Variants in PLEKHG1 observed in about 807,000 individuals in gnomAD.
PLEKHG1 encodes pleckstrin homology and RhoGEF domain containing G1, also known as pleckstrin homology domain-containing family G member 1.
PLEKHG1 carries 44 observed loss-of-function variants against 100.8 expected under a neutral mutation model. The ratio of observed to expected loss-of-function variants is 0.44; its 90% CI spans 0.34 to 0.56. PLEKHG1 has a LOEUF of 0.56. Ranked by LOEUF, PLEKHG1 falls within the 20% of genes least tolerant of loss-of-function variation. The pLI is 0.01. For missense variants in PLEKHG1, 1,545 were observed against 1,720.9 expected, an observed-to-expected ratio of 0.90 and a Z score of 1.81; for synonymous variants, 640 against 662.5, an observed-to-expected ratio of 0.97 and a Z score of 0.52.
rs66957918 is a variant in PLEKHG1 at position 150,832,681 on chromosome 6, C to CTTT, written c.3094+492_3094+494dup. ...ACAAAAAGAGGGGTTTTTTTGCATA[C>CTTT]TTTTTTTTTTTTTTTTTTGAGACAG... On this transcript the variant is annotated intron_variant, in intron 15 of 15. Coordinates refer to ENST00000358517, the Ensembl canonical transcript of PLEKHG1. 1.9e-3 allele frequency among the ~76,000 whole-genome samples: 235 copies of CTTT among 125,428 alleles called. 6 individuals are homozygous for CTTT. The highest frequency in any genetic ancestry group is 2.6e-3 in the South Asian group (10 of 3,808). The allele number at this position is 125,428 out of a possible 152,430, so 82.3% of individuals were successfully genotyped here.
At chr6:150,821,632 C>T (rs900494623) in intron 13 of PLEKHG1, among the ~76,000 whole-genome samples, 4 of 151,502 alleles carry the variant, frequency 2.6e-5, no homozygotes, top group African/African-American at 4.8e-5. Context: ...TGCAGTGAGC[C>T]GAGATCACGC....
At chr6:150,721,496 T>TAG in intron 1 of PLEKHG1, among the ~76,000 whole-genome samples, 1 of 152,324 alleles carries the variant, frequency 6.6e-6, no homozygotes, top group East Asian at 1.9e-4. Context: ...GAGGTTGAAA[T>TAG]ATCTAGAGAG....
rs537954360 is a variant in PLEKHG1 at position 150,840,631 on chromosome 6, G to A, written c.3893G>A (p.Arg1298His). The change falls in exon 16 of 16, where the codon CGT (arginine) becomes CAT (histidine). Residue 1298 changes from arginine (R) to histidine (H), a missense_variant. By Grantham distance (29) the Arg-to-His change is conservative. Coordinates refer to ENST00000358517, the Ensembl canonical transcript of PLEKHG1. ...TCGGAGTTGGAGCTATCTCACAATCGTAGAAGGAAATCTGACTCAAAGTTT... is the reference window on the plus strand; with the variant it reads ...TCGGAGTTGGAGCTATCTCACAATCATAGAAGGAAATCTGACTCAAAGTTT... 47 of 1,614,176 alleles carry A rather than the reference G, an allele frequency of 2.9e-5. No homozygotes were observed. Among genetic ancestry groups the A allele is most frequent in the East Asian group, 6.7e-5 (3 of 44,890 alleles).
intron 3 of PLEKHG1, among the ~76,000 whole-genome samples, chr6:150,652,472 C>G (rs1778786492): frequency 6.6e-6 from 1 of 152,070 alleles, no homozygotes; most frequent in Non-Finnish European, 1.5e-5. Context: ...CCTGTAATCC[C>G]AGCACTTTGG....
intron 6 of PLEKHG1, among the ~76,000 whole-genome samples, chr6:150,801,406 A>G (rs1786689398): frequency 2.0e-5 from 3 of 151,018 alleles, no homozygotes; most frequent in Admixed American, 6.6e-5. Flanking sequence ...AACGATAATC[A>G]TAGCTCTTAA....
At chr6:150,660,914 A>G (rs189637516) in intron 3 of PLEKHG1, among the ~76,000 whole-genome samples, 21 of 152,330 alleles carry the variant, frequency 1.4e-4, no homozygotes, top group African/African-American at 4.6e-4. Flanking sequence ...TACTTACCTA[A>G]GGATGAAAGA....
chr6:150,799,031 G>A (rs909419142), intron 5 of PLEKHG1, among the ~76,000 whole-genome samples: 1 of 151,754 alleles, frequency 6.6e-6, no homozygotes. Flanking sequence ...ATGAGCCACT[G>A]TGCCTGGTGA....
At chr6:150,764,092 A>G (rs1463995764) in intron 2 of PLEKHG1, among the ~76,000 whole-genome samples, 5 of 150,584 alleles carry the variant, frequency 3.3e-5, no homozygotes, top group Non-Finnish European at 5.9e-5. Flanking sequence ...CAGCAGCTTT[A>G]TAGCTTCTCT....
chr6:150,832,254 G>A lies in PLEKHG1; in HGVS notation c.3094+49G>A, dbSNP rs377093521. 1.7e-4 allele frequency: 254 copies of A among 1,458,010 alleles called. 1 individual carries two copies. The South Asian group carries it at 2.3e-3, about 13-fold the overall frequency. The allele number at this position is 1,458,010 out of a possible 1,614,324, so 90.3% of individuals were successfully genotyped here. On this transcript the variant is annotated intron_variant, in intron 15 of 15. Coordinates refer to ENST00000358517, the Ensembl canonical transcript of PLEKHG1. ...CTTCTCCAAAGTAAGAGGGGAGAGCGGTTTTCAGATTTCAGATGTCCTTAA... is the reference window on the plus strand; with the variant it reads ...CTTCTCCAAAGTAAGAGGGGAGAGCAGTTTTCAGATTTCAGATGTCCTTAA...
exon 15 of PLEKHG1, chr6:150,832,115 G>C: frequency 5.0e-6 from 8 of 1,614,114 alleles, no homozygotes; most frequent in Non-Finnish European, 6.8e-6. Flanking sequence ...TCTGGAGCTG[G>C]AGCAGCCGCC....
At chr6:150,835,887 A>G (rs1777197388) in intron 15 of PLEKHG1, among the ~76,000 whole-genome samples, 1 of 152,206 alleles carries the variant, frequency 6.6e-6, no homozygotes, top group African/African-American at 2.4e-5. Flanking sequence ...CTAGTGAGAT[A>G]CCTTTTATTC....
chr6:150,616,984 AAAG>A (rs1282196879), intron 1 of PLEKHG1, among the ~76,000 whole-genome samples: 2 of 152,250 alleles, frequency 1.3e-5, no homozygotes, highest in Non-Finnish European at 2.9e-5. Context: ...AGAAGATTAA[AAAG>A]AAAATCAAGA....
intron 1 of PLEKHG1, among the ~76,000 whole-genome samples, chr6:150,731,742 C>T (rs1782269605): frequency 6.6e-6 from 1 of 152,058 alleles, no homozygotes; most frequent in Admixed American, 6.6e-5. Context: ...TATTAATCAC[C>T]TTCTCTATCA....
intron 15 of PLEKHG1, among the ~76,000 whole-genome samples, chr6:150,834,324 G>A (rs1252074590): frequency 6.6e-6 from 1 of 152,182 alleles, no homozygotes. Flanking sequence ...TGGGGTAGGG[G>A]AATATATATG....
At chr6:150,661,920 T>C (rs1779208971) in intron 3 of PLEKHG1, among the ~76,000 whole-genome samples, 1 of 152,166 alleles carries the variant, frequency 6.6e-6, no homozygotes, top group Admixed American at 6.5e-5. Context: ...TCTTGTTTGT[T>C]TTGTGGCAAG....
chr6:150,699,693 G>A (rs543902723), intron 3 of PLEKHG1, among the ~76,000 whole-genome samples: 1 of 152,340 alleles, frequency 6.6e-6, no homozygotes, highest in Non-Finnish European at 1.5e-5. Flanking sequence ...GCGAGGCCAT[G>A]AAAATTAAGC....
At chr6:150,796,342 TG>T (rs979308855) in intron 5 of PLEKHG1, among the ~76,000 whole-genome samples, 1 of 152,170 alleles carries the variant, frequency 6.6e-6, no homozygotes, top group African/African-American at 2.4e-5. Context: ...ATAAGTTTAA[TG>T]GAGTTCAGAG....
intron 2 of PLEKHG1, among the ~76,000 whole-genome samples, chr6:150,738,553 A>G (rs2128620752): frequency 6.6e-6 from 1 of 152,328 alleles, no homozygotes; most frequent in Non-Finnish European, 1.5e-5. Context: ...TATTAAAATA[A>G]TCTCACATAT....
intron 3 of PLEKHG1, among the ~76,000 whole-genome samples, chr6:150,680,086 A>G (rs1335714754): frequency 1.1e-4 from 16 of 152,188 alleles, no homozygotes; most frequent in Non-Finnish European, 2.1e-4. Context: ...GAGGCATGGA[A>G]GAGTTTTCAG....
Sources: gnomAD v4.1 joint callset for allele counts (sites outside exome capture counted in the v4.1 genomes callset) on GRCh38, gnomAD v4.1.1 for gene constraint, MANE v1.5 for transcripts, NCBI Gene and HGNC (gene_info 2026-07-23, HGNC 2026-07-21) for gene names.